EDEM2: variants seen among roughly 807,000 people sequenced by gnomAD.
EDEM2 encodes ER degradation-enhancing alpha-mannosidase-like protein 2.
EDEM2 carries 39 observed loss-of-function variants against 64.8 expected under a neutral mutation model. The observed-to-expected ratio is 0.60, with a 90% confidence interval of 0.47 to 0.79. The LOEUF (loss-of-function observed/expected upper bound fraction) is 0.79, where lower values mean the gene tolerates loss of function less well. EDEM2 is among the 30% of genes least tolerant of loss of function. The pLI is 0.00. For missense variants in EDEM2, 609 were observed against 731.3 expected (o/e 0.83, Z 1.93); for synonymous variants, 296 against 291.5 (o/e 1.02, Z -0.16).
intron 4 of EDEM2, among the ~76,000 whole-genome samples, chr20:35,141,669 C>A (rs931735531): frequency 3.3e-5 from 5 of 152,174 alleles, no homozygotes; most frequent in Admixed American, 6.5e-5. Context: ...CAAATAAGGG[C>A]TGTGCTGGCT....
intron 5 of EDEM2, among the ~76,000 whole-genome samples, chr20:35,135,892 T>C (rs1288990220): frequency 1.3e-5 from 2 of 152,096 alleles, no homozygotes; most frequent in African/African-American, 4.8e-5. Context: ...ACGCCTCCCC[T>C]GTGCCCACCC....
chr20:35,127,771 T>C (rs905650493), intron 7 of EDEM2, among the ~76,000 whole-genome samples: 1 of 152,190 alleles, frequency 6.6e-6, no homozygotes, highest in African/African-American at 2.4e-5. Context: ...CCATGGATAG[T>C]ACTAAATAAA....
intron 10 of EDEM2, among the ~76,000 whole-genome samples, chr20:35,118,216 G>A (rs1413426827): frequency 6.6e-6 from 1 of 152,136 alleles, no homozygotes; most frequent in East Asian, 1.9e-4. Context: ...GGAGTCCCAG[G>A]TTTGAATATA....
intron 8 of EDEM2, among the ~76,000 whole-genome samples, 185 bp downstream of exon 8, chr20:35,126,066 G>C (rs1039016222): frequency 6.6e-6 from 1 of 152,166 alleles, no homozygotes; most frequent in African/African-American, 2.4e-5. Flanking sequence ...CTCAGTTCCT[G>C]ACACTCAATT....
chr20:35,138,250 G>T (rs1840411819), intron 4 of EDEM2, among the ~76,000 whole-genome samples: 1 of 152,190 alleles, frequency 6.6e-6, no homozygotes, highest in Non-Finnish European at 1.5e-5. Context: ...TATTTCTATG[G>T]TGTTAAGTTT....
In EDEM2 at chr20:35,126,392, G is replaced by A. The variant is rs1259795492; in HGVS notation, c.845-17C>T. 6.2e-7 allele frequency: 1 copy of A among 1,612,972 alleles called. No homozygotes were observed. The highest frequency in any genetic ancestry group is 1.7e-5 in the Admixed American group (1 of 59,792). ...TGTTATACTCTGCAGTGGGGGAGAT[G>A]GGATAATGGACATATGAGTGATTAG... On this transcript the variant is annotated splice_polypyrimidine_tract_variant and intron_variant, in intron 7 of 10. Transcript: ENST00000374492.
chr20:35,116,277 G>A (rs1017394132), intron 10 of EDEM2, among the ~76,000 whole-genome samples: 2 of 152,104 alleles, frequency 1.3e-5, no homozygotes, highest in African/African-American at 2.4e-5. Context: ...AAAGTGCCAG[G>A]ATAACAGGCG....
intron 6 of EDEM2, 149 bp downstream of exon 6, chr20:35,134,589 G>C: frequency 1.2e-6 from 1 of 825,594 alleles, no homozygotes; most frequent in Non-Finnish European, 1.9e-6. Context: ...TTGAATTGGA[G>C]GCTTGGTCTA....
Position 35,118,618 on chromosome 20 carries a change from C to T in EDEM2, c.1216G>A (p.Val406Met), listed in dbSNP as rs2085334996. 1.9e-6 allele frequency: 3 copies of T among 1,613,984 alleles called. No individual in the cohort carries two copies. Among genetic ancestry groups the T allele is most frequent in the South Asian group, 2.2e-5 (2 of 91,090 alleles). ...AVESIEKISK[V>M]ECGFATIKDL... ...CTTACTGTTGCAAATCCGCACTCCA[C>T]CTTGCTGATTTTTTCAATGGATTCC... The change falls in exon 10 of 11, where the codon GTG (valine) becomes ATG (methionine). Residue 406 changes from valine to methionine, a missense_variant. By Grantham distance (21) the Val-to-Met change is conservative (BLOSUM62 1). Coordinates refer to ENST00000374492, the MANE Select transcript of EDEM2 (RefSeq NM_018217.3).
At position 35,142,481 on chromosome 20, in the gene EDEM2, G is replaced by A. The variant is rs997048963; in HGVS notation, c.259-3C>T. 6.2e-7 allele frequency: 1 copy of A among 1,610,762 alleles called. No individual in the cohort carries two copies. The highest frequency in any genetic ancestry group is 1.7e-4 in the Middle Eastern group (1 of 6,058). ...AATTCTGAGACATTCCCCAAAATCTGGAAATAAAAAAGAGACCTGACAATG... is the reference window on the plus strand; with the variant it reads ...AATTCTGAGACATTCCCCAAAATCTAGAAATAAAAAAGAGACCTGACAATG... On this transcript the variant is annotated splice_polypyrimidine_tract_variant and splice_region_variant and intron_variant, in intron 3 of 10. Transcript: ENST00000374492.
intron 8 of EDEM2, among the ~76,000 whole-genome samples, chr20:35,125,688 T>A (rs990855191): frequency 3.3e-5 from 5 of 152,098 alleles, no homozygotes; most frequent in Non-Finnish European, 5.9e-5. Flanking sequence ...CCGACCTAAT[T>A]TTTTATTTTT....
intron 9 of EDEM2, among the ~76,000 whole-genome samples, chr20:35,121,104 A>G (rs1004192219): frequency 2.0e-5 from 3 of 152,246 alleles, no homozygotes; most frequent in Non-Finnish European, 4.4e-5. Context: ...GGCTTGTAGG[A>G]GATGGTTTTG....
chr20:35,146,913 A>T lies in EDEM2; in HGVS notation c.130T>A (p.Tyr44Asn). 4.3e-6 allele frequency: 7 copies of T among 1,614,074 alleles called. No individual in the cohort carries two copies. Among genetic ancestry groups the T allele is most frequent in the Non-Finnish European group, 5.9e-6 (7 of 1,179,974 alleles). ...HYRERVKAMFYHAYDSYLENA... is the reference protein window; with the variant it reads ...HYRERVKAMFNHAYDSYLENA... ...TCCAGGTAGCTGTCGTAGGCGTGGTAGAACATGGCCTTGACTCGCTCCCTG... is the reference window on the plus strand; with the variant it reads ...TCCAGGTAGCTGTCGTAGGCGTGGTTGAACATGGCCTTGACTCGCTCCCTG... Residue 44 changes from tyrosine to asparagine, a missense_variant, in exon 2 of 11, where the codon TAC becomes AAC. Physicochemically the swap from Tyr to Asn is moderately radical, Grantham distance 143 (BLOSUM62 -2). Transcript: ENST00000374492.
intron 9 of EDEM2, among the ~76,000 whole-genome samples, chr20:35,119,368 G>A (rs2085343749): frequency 1.3e-5 from 2 of 152,184 alleles, no homozygotes; most frequent in African/African-American, 4.8e-5. Flanking sequence ...GCCAAGGTGA[G>A]AGGATCGTTT....
rs757166556 is a variant in EDEM2, at chr20:35,147,108, AC to A, written c.107+43del. ...GACGGAAAGGGAAAGGACCGGGTTC[AC>A]GCTTCCCATTCCCCAACTGCGAAAG... On this transcript the variant is annotated intron_variant, in intron 1 of 10. Coordinates refer to ENST00000374492, the MANE Select transcript of EDEM2 (RefSeq NM_018217.3). 16 of 1,582,412 alleles carry A rather than the reference AC, an allele frequency of 1.0e-5. 1 individual carries two copies. Among genetic ancestry groups the A allele is most frequent in the African/African-American group, 2.7e-5 (2 of 74,262 alleles).
intron 8 of EDEM2, 115 bp from the exon 9 acceptor site, chr20:35,124,149 T>C (rs1399285283): frequency 7.6e-7 from 1 of 1,314,412 alleles, no homozygotes; most frequent in East Asian, 2.4e-5. Flanking sequence ...AATCAATCCC[T>C]GAGTCTGCCA....
intron 4 of EDEM2, 115 bp from the exon 5 acceptor site, chr20:35,138,120 A>C: frequency 7.3e-7 from 1 of 1,373,258 alleles, no homozygotes; most frequent in Non-Finnish European, 9.9e-7. Context: ...GCATGTTCTC[A>C]GGACCTCCTG....
intron 7 of EDEM2, among the ~76,000 whole-genome samples, chr20:35,129,353 G>A (rs1424511052): frequency 1.3e-5 from 2 of 151,768 alleles, no homozygotes; most frequent in Admixed American, 1.3e-4. Flanking sequence ...GTTGCAGCGA[G>A]CCGATATTGC....
Position 35,115,594 on chromosome 20 carries a change from C to A in EDEM2, c.1576G>T (p.Glu526Ter). 1 of 1,612,974 alleles carries A rather than the reference C, an allele frequency of 6.2e-7. No individual in the cohort carries two copies. The highest frequency in any genetic ancestry group is 8.5e-7 in the Non-Finnish European group (1 of 1,180,000). ...QKNTVSSGPW[E>*]PPARPGTLFS... is the part of the protein sequence containing the mutation. The stretch of plus-strand genomic sequence containing the variant: ...AGTGTTCCTGGCCTTGCTGGAGGTT[C>A]CCATGGCCCCGAACTAACAGTGTTT... The change falls in exon 11 of 11, where the codon GAA (glutamate) becomes TAA (stop). Residue 526 changes from glutamate (E) to a stop codon, truncating the protein, a stop_gained. Coordinates refer to ENST00000374492, the MANE Select transcript of EDEM2 (RefSeq NM_018217.3). LOFTEE classifies it high-confidence loss of function.
Sources: gnomAD v4.1 joint callset for allele counts (sites outside exome capture counted in the v4.1 genomes callset) on GRCh38, gnomAD v4.1.1 for gene constraint, MANE v1.5 for transcripts, NCBI Gene and HGNC (gene_info 2026-07-23, HGNC 2026-07-21) for gene names.